The following CELF2 variants were observed in gnomAD, a reference collection of about 807,000 sequenced individuals.
CELF2 encodes CUGBP Elav-like family member 2, also known as CUG triplet repeat RNA-binding protein 2.
CELF2 carries 8 observed loss-of-function variants against 62.6 expected under a neutral mutation model. That is an observed-to-expected ratio of 0.13 (90% CI 0.07 to 0.23). The LOEUF is 0.23. CELF2 is among the 10% of genes least tolerant of loss of function. CELF2 has a pLI of 1.00. For synonymous variants in CELF2, 258 were observed against 250.0 expected (o/e 1.03, Z -0.30); for missense variants, 333 against 671.0 (o/e 0.50, Z 5.56).
chr10:11,197,538 G>T (rs895212376), intron 2 of CELF2, among the ~76,000 whole-genome samples: 8 of 152,212 alleles, frequency 5.3e-5, no homozygotes, highest in African/African-American at 1.9e-4. Context: ...CATACCTCCA[G>T]TGAGAACAGC....
At chr10:10,668,666 G>T in the CELF2 span, among the ~76,000 whole-genome samples, 100 of 152,082 alleles carry the variant, frequency 6.6e-4, 1 homozygote, top group African/African-American at 2.3e-3. Context: ...GTTCTTAAAG[G>T]TTACATATAG....
the CELF2 span, among the ~76,000 whole-genome samples, chr10:10,712,188 A>G: frequency 6.7e-6 from 1 of 149,738 alleles, no homozygotes; most frequent in South Asian, 2.1e-4. Flanking sequence ...AATCTCTCAG[A>G]ATAGGGCAAG....
chr10:10,869,083 C>T (rs2060563499), intron 1 of CELF2, among the ~76,000 whole-genome samples: 1 of 152,052 alleles, frequency 6.6e-6, no homozygotes, highest in Non-Finnish European at 1.5e-5. Context: ...AACTTTTTTT[C>T]CATGTCTTAC....
the CELF2 span, among the ~76,000 whole-genome samples, chr10:10,647,141 A>T: frequency 3.3e-5 from 5 of 152,168 alleles, no homozygotes; most frequent in Admixed American, 3.3e-4. Context: ...CATAACTCAC[A>T]GCCTAGCCCT....
intron 8 of CELF2, among the ~76,000 whole-genome samples, chr10:11,282,567 G>A (rs567455692): frequency 1.3e-5 from 2 of 152,336 alleles, no homozygotes; most frequent in South Asian, 4.1e-4. Flanking sequence ...TATTATTGCA[G>A]TTATTAGTCT....
At chr10:10,762,669 G>GTA in the CELF2 span, among the ~76,000 whole-genome samples, 1 of 152,162 alleles carries the variant, frequency 6.6e-6, no homozygotes, top group Non-Finnish European at 1.5e-5. Context: ...CAATATCTAT[G>GTA]CCAGTGGGCT....
chr10:11,192,633 C>T (rs192649642), intron 2 of CELF2, among the ~76,000 whole-genome samples: 12 of 152,338 alleles, frequency 7.9e-5, no homozygotes, highest in East Asian at 3.9e-4. Context: ...CAGTGAGGGA[C>T]GTGGAGATCC....
intron 4 of CELF2, among the ~76,000 whole-genome samples, chr10:11,257,014 C>T (rs939009908): frequency 6.6e-6 from 1 of 152,090 alleles, no homozygotes; most frequent in Non-Finnish European, 1.5e-5. Flanking sequence ...AGCAGCCGCC[C>T]TGTTCTCCTC....
At chr10:10,968,238 C>G (rs990655137) in intron 2 of CELF2, among the ~76,000 whole-genome samples, 6 of 151,980 alleles carry the variant, frequency 3.9e-5, no homozygotes, top group Non-Finnish European at 7.4e-5. Flanking sequence ...TTCATGATTG[C>G]CAAAATGTTT....
the CELF2 span, among the ~76,000 whole-genome samples, chr10:10,734,009 C>T: frequency 6.6e-6 from 1 of 152,078 alleles, no homozygotes; most frequent in Non-Finnish European, 1.5e-5. Context: ...TTTATAAAAC[C>T]TCAATAATCC....
At chr10:11,023,848 A>C (rs1438889056) in intron 1 of CELF2, among the ~76,000 whole-genome samples, 3 of 152,250 alleles carry the variant, frequency 2.0e-5, no homozygotes. Context: ...TGTTCTGTTT[A>C]GATACTAAAA....
At chr10:10,617,950 C>T in the CELF2 span, among the ~76,000 whole-genome samples, 9 of 152,008 alleles carry the variant, frequency 5.9e-5, no homozygotes, top group Non-Finnish European at 8.8e-5. Flanking sequence ...AAAAATCCCC[C>T]GGCCGTAACT....
intron 9 of CELF2, among the ~76,000 whole-genome samples, chr10:11,289,706 TATCTA>T (rs1285507342): frequency 2.0e-5 from 3 of 152,222 alleles, no homozygotes; most frequent in East Asian, 1.9e-4. Context: ...ATGAGGGCCT[TATCTA>T]ATATAATAAA....
At chr10:11,186,591 C>T (rs1008933610) in intron 2 of CELF2, among the ~76,000 whole-genome samples, 4 of 152,088 alleles carry the variant, frequency 2.6e-5, no homozygotes, top group African/African-American at 9.7e-5. Context: ...GTGGGTTATT[C>T]AGAATGTGTC....
chr10:10,615,383 C>T, the CELF2 span, among the ~76,000 whole-genome samples: 1 of 152,122 alleles, frequency 6.6e-6, no homozygotes. Context: ...TCCAGGAGGC[C>T]ACACTCTGCC....
chr10:11,139,839 GTT>G (rs775388908), intron 1 of CELF2, among the ~76,000 whole-genome samples: 2 of 140,986 alleles, frequency 1.4e-5, no homozygotes, highest in African/African-American at 5.2e-5. Flanking sequence ...ACATCATTCA[GTT>G]TTTTTTTTTT....
intron 2 of CELF2, among the ~76,000 whole-genome samples, chr10:11,200,354 C>A (rs2399663): frequency 1.3e-5 from 2 of 152,230 alleles, no homozygotes; most frequent in Non-Finnish European, 2.9e-5. Flanking sequence ...GAGCATGTTC[C>A]TACAGCAAAG....
At chr10:10,463,709 CT>C in the CELF2 span, among the ~76,000 whole-genome samples, 2 of 152,234 alleles carry the variant, frequency 1.3e-5, no homozygotes, top group East Asian at 3.9e-4. Flanking sequence ...GTCAATGAGT[CT>C]GCTTGGATTT....
Position 11,246,739 on chromosome 10 carries a change from G to A in CELF2, c.355-2414G>A, listed in dbSNP as rs575659863. On this transcript the variant is annotated intron_variant, in intron 3 of 12. Transcript: ENST00000633077. The surrounding 1 kb of genome is among the most constrained non-coding windows in gnomAD (Gnocchi z 4.6). ...TGGTATTCTCTGCAGTTCTGTCCTC[G>A]GCTCTCAGCTCTTTGCACCCTTCTT... Among the ~76,000 whole-genome samples the A allele has an allele frequency of 2.5e-4, 38 of 152,158 alleles. No individual in the cohort carries two copies. The South Asian group carries it at 7.3e-3, about 29-fold the overall frequency.
Sources: gnomAD v4.1 joint callset for allele counts (sites outside exome capture counted in the v4.1 genomes callset) on GRCh38, gnomAD v4.1.1 for gene constraint, Gnocchi (gnomAD v3.1) non-coding constraint, MANE v1.5 for transcripts, NCBI Gene and HGNC (gene_info 2026-07-23, HGNC 2026-07-21) for gene names.